CAGE1: variants seen among roughly 807,000 people sequenced by gnomAD.
CAGE1 encodes the protein cancer-associated gene 1 protein.
Under a neutral mutation model 94.9 loss-of-function variants are expected in CAGE1, and 66 were observed. That is an observed-to-expected ratio of 0.70 (90% CI 0.57 to 0.85). The LOEUF is 0.85. CAGE1 is among the 40% of genes least tolerant of loss of function. CAGE1 has a pLI of 0.00. For synonymous variants in CAGE1, 319 were observed against 321.0 expected (o/e 0.99, Z 0.07); for missense variants, 865 against 950.4 (o/e 0.91, Z 1.18).
chr6:7,328,914 GTGTGTA>G (rs199628530), intron 13 of CAGE1, among the ~76,000 whole-genome samples: 106 of 49,596 alleles, frequency 2.1e-3, no homozygotes, highest in Middle Eastern at 8.3e-3. Flanking sequence ...GTGTGTGTGT[GTGTGTA>G]TATATATATA....
At chr6:7,352,321 A>AC (rs1189334172) in intron 11 of CAGE1, among the ~76,000 whole-genome samples, 61 of 134,328 alleles carry the variant, frequency 4.5e-4, no homozygotes, top group Admixed American at 1.6e-3. Flanking sequence ...AAAAACAAAA[A>AC]AAAAAAACCT....
intron 13 of CAGE1, 98 bp from the exon 14 acceptor site, chr6:7,326,997 AG>A: frequency 1.2e-6 from 1 of 805,776 alleles, no homozygotes. Context: ...CATATGGAAA[AG>A]GGGTGCAAAG....
chr6:7,377,011 T>C (rs967634201), intron 4 of CAGE1, among the ~76,000 whole-genome samples: 27 of 152,348 alleles, frequency 1.8e-4, no homozygotes, highest in Non-Finnish European at 3.4e-4. Flanking sequence ...ATAGTAACTT[T>C]ATATAACATG....
intron 11 of CAGE1, among the ~76,000 whole-genome samples, chr6:7,354,211 T>C (rs919900777): frequency 2.0e-4 from 30 of 152,210 alleles, no homozygotes; most frequent in African/African-American, 6.8e-4. Flanking sequence ...CATTGGCCTA[T>C]GATCATTGAA....
intron 13 of CAGE1, among the ~76,000 whole-genome samples, chr6:7,328,227 T>C (rs542883541): frequency 1.3e-5 from 2 of 152,324 alleles, no homozygotes; most frequent in African/African-American, 4.8e-5. Context: ...GTACCTTTTA[T>C]GAGATAGGTA....
intron 5 of CAGE1, among the ~76,000 whole-genome samples, chr6:7,372,257 A>G (rs1760561345): frequency 6.6e-6 from 1 of 152,120 alleles, no homozygotes; most frequent in African/African-American, 2.4e-5. Context: ...GGATCACTTG[A>G]GGTCATGAAT....
chr6:7,350,614 A>G (rs1581673846), intron 11 of CAGE1, among the ~76,000 whole-genome samples: 1 of 152,214 alleles, frequency 6.6e-6, no homozygotes, highest in Non-Finnish European at 1.5e-5. Flanking sequence ...GGAACCTTCA[A>G]AACCATGCAA....
chr6:7,341,610 G>A lies in CAGE1; in HGVS notation c.2370-7520C>T, dbSNP rs550004715. 3.0e-5 allele frequency: 25 copies of A among 834,812 alleles called. No individual in the cohort carries two copies. The East Asian group carries it at 5.9e-4, about 20-fold the overall frequency. 51.7% of individuals were successfully genotyped at this position (834,812 alleles called of 1,614,324 possible). A position where few individuals can be genotyped will look rare whatever the true frequency, so the allele number is the denominator to read the frequency against. ...CTTCCTCTAACTTGTCCACAGCAAG[G>A]TGGAACAGATGGGTGTTTGCAACAG... On this transcript the variant is annotated intron_variant, in intron 11 of 13. Coordinates refer to ENST00000502583, the MANE Select transcript of CAGE1 (RefSeq NM_001170692.2).
intron 9 of CAGE1, among the ~76,000 whole-genome samples, chr6:7,357,824 C>T (rs1760011208): frequency 6.6e-6 from 1 of 150,792 alleles, no homozygotes; most frequent in Admixed American, 6.6e-5. Flanking sequence ...GATGGAGTAT[C>T]GCTTTGTCAC....
rs547410613 is a variant in CAGE1 at position 7,371,329 on chromosome 6, AT to A, written c.1747-1265del. ...ATAATCCTTTTTTCTTAGATCTTAG[AT>A]TTTTTTTTTAATTTAGGAAAAGAAT... On this transcript the variant is annotated intron_variant, in intron 5 of 13. Transcript: ENST00000502583. 1.0e-4 allele frequency among the ~76,000 whole-genome samples: 15 copies of A among 150,720 alleles called. No homozygotes were observed. The East Asian group carries it at 1.2e-3, about 12-fold the overall frequency.
At chr6:7,331,276 C>G (rs1172961689) in intron 12 of CAGE1, 1 of 770,538 alleles carries the variant, frequency 1.3e-6, no homozygotes, top group African/African-American at 1.8e-5. Context: ...ACATGTCAAG[C>G]AGTGGTTTAT....
chr6:7,344,605 T>C (rs1759351059), intron 11 of CAGE1, among the ~76,000 whole-genome samples: 1 of 151,942 alleles, frequency 6.6e-6, no homozygotes, highest in Non-Finnish European at 1.5e-5. Flanking sequence ...AGTGCGGGCG[T>C]ACGGCCCGAG....
intron 11 of CAGE1, among the ~76,000 whole-genome samples, chr6:7,352,452 G>C (rs542221665): frequency 6.6e-6 from 1 of 152,130 alleles, no homozygotes; most frequent in Non-Finnish European, 1.5e-5. Flanking sequence ...TCAATATTGT[G>C]AAAATGACCA....
intron 1 of CAGE1, among the ~76,000 whole-genome samples, chr6:7,388,704 G>C (rs1054007149): frequency 6.6e-6 from 1 of 152,150 alleles, no homozygotes. Flanking sequence ...AAAATTAGTT[G>C]TTTTCAAACC....
Position 7,385,773 on chromosome 6 carries a change from G to C in CAGE1, c.283+12C>G. On this transcript the variant is annotated intron_variant, in intron 3 of 13. Transcript: ENST00000502583. ...TCTCTCTTTTGCATATTGCTAACAAGTAGATACTTACCATTTAACAAATTG... is the reference window on the plus strand; with the variant it reads ...TCTCTCTTTTGCATATTGCTAACAACTAGATACTTACCATTTAACAAATTG... The C allele has an allele frequency of 6.7e-7, 1 of 1,486,464 alleles. No individual in the cohort carries two copies. The highest frequency in any genetic ancestry group is 9.1e-7 in the Non-Finnish European group (1 of 1,103,272). The allele number at this position is 1,486,464 out of a possible 1,614,324, so 92.1% of individuals were successfully genotyped here. A position where few individuals can be genotyped will look rare whatever the true frequency, so the allele number is the denominator to read the frequency against.
chr6:7,341,862 T>G (rs1417564308), intron 11 of CAGE1: 1 of 681,772 alleles, frequency 1.5e-6, no homozygotes, highest in African/African-American at 1.8e-5. Context: ...ACTGGGCCAC[T>G]TCTTCTTGCA....
intron 12 of CAGE1, among the ~76,000 whole-genome samples, chr6:7,333,632 ATC>A (rs1758834728): frequency 3.1e-5 from 2 of 63,530 alleles, no homozygotes; most frequent in African/African-American, 9.6e-5. Flanking sequence ...CTAACTATCT[ATC>A]TAACTATCTA....
chr6:7,341,553 CT>C, intron 11 of CAGE1: 13 of 1,217,260 alleles, frequency 1.1e-5, no homozygotes, highest in East Asian at 2.4e-5. Context: ...GGCCTCGGAC[CT>C]TTTTCCTCTC....
intron 13 of CAGE1, among the ~76,000 whole-genome samples, chr6:7,328,900 GTGTGTGTGTGTGTGTGTGTATA>G (rs1159476179): frequency 3.2e-4 from 30 of 93,326 alleles, no homozygotes; most frequent in Non-Finnish European, 5.8e-4. Context: ...GTGTGTGTGT[GTGTGTGTGTGTGTGTGTGTATA>G]TATATATATA....
Sources: allele counts gnomAD v4.1 joint callset (sites outside exome capture counted in the v4.1 genomes callset), GRCh38; gene constraint gnomAD v4.1.1; transcripts MANE v1.5; gene names NCBI Gene and HGNC (gene_info 2026-07-23, HGNC 2026-07-21).